Variants in DSCAML1 observed in about 807,000 individuals in gnomAD.
The protein encoded by DSCAML1 is cell adhesion molecule DSCAML1.
A neutral mutation model predicts 200.5 loss-of-function variants in DSCAML1; 38 were observed. The ratio of observed to expected loss-of-function variants is 0.19; its 90% CI spans 0.15 to 0.25. The LOEUF (loss-of-function observed/expected upper bound fraction) is 0.25. DSCAML1 is among the 10% of genes least tolerant of loss of function. DSCAML1 has a pLI of 1.00. For synonymous variants in DSCAML1, 1,215 were observed against 1,165.0 expected, an observed-to-expected ratio of 1.04 and a Z score of -0.87; for missense variants, 2,223 against 2,858.8, an observed-to-expected ratio of 0.78 and a Z score of 5.07.
intron 1 of DSCAML1, among the ~76,000 whole-genome samples, chr11:117,790,850 C>T (rs994064236): frequency 3.3e-5 from 5 of 152,240 alleles, no homozygotes; most frequent in Non-Finnish European, 7.3e-5. Context: ...GGATAATGTT[C>T]TTTCCAACAC....
intron 3 of DSCAML1, among the ~76,000 whole-genome samples, chr11:117,721,857 G>A (rs1234547017): frequency 6.7e-6 from 1 of 149,874 alleles, no homozygotes; most frequent in Non-Finnish European, 1.5e-5. Context: ...CCAGGCTGGA[G>A]TGCAGTGGCG....
chr11:117,481,084 G>A (rs2048905677), intron 13 of DSCAML1, 90 bp downstream of exon 13: 1 of 1,247,642 alleles, frequency 8.0e-7, no homozygotes, highest in African/African-American at 1.5e-5. Context: ...CATGGCGTAG[G>A]CTGTGGCCCC....
intron 3 of DSCAML1, among the ~76,000 whole-genome samples, chr11:117,650,794 C>G (rs893459408): frequency 1.3e-5 from 2 of 151,892 alleles, no homozygotes; most frequent in Admixed American, 1.3e-4. Context: ...GCTCAGGACT[C>G]GGCAGCTAAT....
At chr11:117,481,584 GA>G (rs1319164934) in intron 12 of DSCAML1, among the ~76,000 whole-genome samples, 5 of 115,600 alleles carry the variant, frequency 4.3e-5, no homozygotes, top group African/African-American at 1.6e-4. Flanking sequence ...AGGAGGGGCT[GA>G]GGGGGGGGTC....
chr11:117,439,990 T>G, intron 21 of DSCAML1, 54 bp from the exon 22 acceptor site: 1 of 1,484,718 alleles, frequency 6.7e-7, no homozygotes, highest in East Asian at 2.3e-5. Flanking sequence ...CACAATATCC[T>G]GGCCTCCTTC....
chr11:117,611,238 C>T (rs376441297), intron 3 of DSCAML1: 24 of 152,318 alleles, frequency 1.6e-4, no homozygotes, highest in African/African-American at 5.1e-4. Context: ...CTTTCTGTCT[C>T]GCTTATCCTG....
chr11:117,588,563 C>T (rs1165317719), intron 3 of DSCAML1, among the ~76,000 whole-genome samples: 2 of 152,176 alleles, frequency 1.3e-5, no homozygotes, highest in Non-Finnish European at 2.9e-5. Context: ...ACAGGCATCC[C>T]GGATACAAGC....
At chr11:117,473,819 T>C (rs1421618148) in intron 14 of DSCAML1, among the ~76,000 whole-genome samples, 1 of 152,230 alleles carries the variant, frequency 6.6e-6, no homozygotes, top group Non-Finnish European at 1.5e-5. Context: ...ACTTTGTGGT[T>C]GGCAGGTTAA....
intron 1 of DSCAML1, among the ~76,000 whole-genome samples, chr11:117,788,036 G>C (rs1565285723): frequency 6.6e-6 from 1 of 152,202 alleles, no homozygotes; most frequent in Non-Finnish European, 1.5e-5. Flanking sequence ...CAGCCAGACG[G>C]TGTCTTGCTG....
chr11:117,763,513 C>A (rs2054842339), intron 3 of DSCAML1, among the ~76,000 whole-genome samples: 1 of 152,130 alleles, frequency 6.6e-6, no homozygotes, highest in Non-Finnish European at 1.5e-5. Flanking sequence ...CCAAACCATG[C>A]CCCACCCAAA....
chr11:117,484,097 C>T (rs181906022), intron 11 of DSCAML1, among the ~76,000 whole-genome samples: 1 of 149,200 alleles, frequency 6.7e-6, no homozygotes, highest in African/African-American at 2.5e-5. Context: ...GCCCTTTCTC[C>T]TCCTTCCTTC....
intron 3 of DSCAML1, among the ~76,000 whole-genome samples, chr11:117,710,865 T>C (rs1027116184): frequency 2.0e-5 from 3 of 152,146 alleles, no homozygotes; most frequent in African/African-American, 4.8e-5. Flanking sequence ...CAGAACATAC[T>C]CGAAAAGAAA....
chr11:117,534,586 G>T (rs931972787), intron 3 of DSCAML1, among the ~76,000 whole-genome samples: 4 of 152,058 alleles, frequency 2.6e-5, no homozygotes, highest in African/African-American at 9.7e-5. Context: ...TTTTCTTCAG[G>T]GTTAACAGCC....
intron 11 of DSCAML1, among the ~76,000 whole-genome samples, chr11:117,502,856 C>T (rs1345152522): frequency 2.0e-5 from 3 of 152,144 alleles, no homozygotes; most frequent in Non-Finnish European, 4.4e-5. Flanking sequence ...ACCCCCCGCT[C>T]ATAGTGTAGA....
chr11:117,430,317 A>C (rs2047759624), intron 32 of DSCAML1, among the ~76,000 whole-genome samples: 1 of 152,208 alleles, frequency 6.6e-6, no homozygotes, highest in African/African-American at 2.4e-5. Flanking sequence ...TGGGCAGCTG[A>C]CCCTGAAGGG....
At chr11:117,620,372 C>T (rs1241037244) in intron 3 of DSCAML1, among the ~76,000 whole-genome samples, 1 of 152,152 alleles carries the variant, frequency 6.6e-6, no homozygotes, top group Non-Finnish European at 1.5e-5. Flanking sequence ...CTCCTCCTCC[C>T]CTCTCCTCTC....
chr11:117,544,611 A>G (rs1345833554), intron 3 of DSCAML1, among the ~76,000 whole-genome samples: 2 of 152,132 alleles, frequency 1.3e-5, no homozygotes, highest in African/African-American at 2.4e-5. Context: ...AACCAAGGGA[A>G]GCCAGGCCCA....
chr11:117,696,263 C>A (rs1008216202), intron 3 of DSCAML1, among the ~76,000 whole-genome samples: 1 of 152,148 alleles, frequency 6.6e-6, no homozygotes, highest in African/African-American at 2.4e-5. Flanking sequence ...TGAGCTGGTT[C>A]CCCCCTGGGG....
At chr11:117,756,007 T>A (rs946827631) in intron 3 of DSCAML1, among the ~76,000 whole-genome samples, 1 of 152,262 alleles carries the variant, frequency 6.6e-6, no homozygotes, top group African/African-American at 2.4e-5. Flanking sequence ...CTTACTGCCA[T>A]GAGTTTTCTT....
Sources: allele counts gnomAD v4.1 joint callset (sites outside exome capture counted in the v4.1 genomes callset), GRCh38; gene constraint gnomAD v4.1.1; transcripts MANE v1.5; gene names NCBI Gene and HGNC (gene_info 2026-07-23, HGNC 2026-07-21).